The following VDAC2 variants were observed in gnomAD, a reference collection of about 807,000 sequenced individuals.
VDAC2 encodes voltage dependent anion channel 2.
VDAC2 carries 6 observed loss-of-function variants against 36.6 expected under a neutral mutation model. The ratio of observed to expected loss-of-function variants is 0.16; its 90% CI spans 0.09 to 0.32. VDAC2 has a LOEUF of 0.32. VDAC2 is among the 10% of genes least tolerant of loss of function. The pLI is 1.00. For missense variants in VDAC2, 247 were observed against 346.0 expected (o/e 0.71, Z 2.27); for synonymous variants, 109 against 123.8 (o/e 0.88, Z 0.79).
At chr10:75,216,099 G>A (rs560325666) in intron 4 of VDAC2, among the ~76,000 whole-genome samples, 1 of 152,320 alleles carries the variant, frequency 6.6e-6, no homozygotes, top group Admixed American at 6.5e-5. Flanking sequence ...AAGCTTAGGT[G>A]TTTAGTTATG....
intron 2 of VDAC2, chr10:75,211,617 C>G (rs1841425485): frequency 1.9e-6 from 3 of 1,550,566 alleles, no homozygotes; most frequent in Non-Finnish European, 2.6e-6. Flanking sequence ...ATTGCCTGCC[C>G]TTAAGCAGCA....
Position 75,220,945 on chromosome 10 carries a change from G to A in VDAC2, c.559G>A (p.Gly187Arg). The stretch of plus-strand genomic sequence containing the variant: ...TAACTTTGCAGTGGGCTACAGGACT[G>A]GGGACTTCCAGCTACACACTAATGT... ...RNNFAVGYRT[G>R]DFQLHTNVND... The change falls in exon 7 of 10, where the codon GGG becomes AGG. Residue 187 changes from glycine to arginine, a missense_variant. Physicochemically the swap from Gly to Arg is moderately radical, Grantham distance 125 (BLOSUM62 -2). Around this residue, in one of 3 missense-constraint regions of VDAC2, gnomAD observed 159 missense variants for 234.0 expected, o/e 0.68. Coordinates refer to ENST00000332211, the MANE Select transcript of VDAC2 (RefSeq NM_001391963.1). 6.2e-7 allele frequency: 1 copy of A among 1,612,726 alleles called. No individual in the cohort carries two copies. The highest frequency in any genetic ancestry group is 8.5e-7 in the Non-Finnish European group (1 of 1,179,120).
chr10:75,219,886 G>A (rs1841751679), intron 6 of VDAC2, among the ~76,000 whole-genome samples: 1 of 151,412 alleles, frequency 6.6e-6, no homozygotes, highest in Admixed American at 6.6e-5. Flanking sequence ...GGAGTGCAGT[G>A]GCGCGATCTC....
rs1842080941 is a variant in VDAC2, at chr10:75,230,866, T to C, written c.794-32T>C. The stretch of plus-strand genomic sequence containing the variant: ...GAGTGACGTGCCAGGTACATCACGG[T>C]TTTTTGTTTTTGTGTTTTTTTGTCT... On this transcript the variant is annotated intron_variant, in intron 9 of 9. Transcript: ENST00000332211. The C allele has an allele frequency of 1.9e-6, 3 of 1,593,808 alleles. No homozygotes were observed. The South Asian group carries it at 3.4e-5, about 18-fold the overall frequency.
intron 6 of VDAC2, 77 bp downstream of exon 6, chr10:75,219,433 C>G (rs1402998298): frequency 2.4e-6 from 3 of 1,238,018 alleles, no homozygotes. Flanking sequence ...TGTACATTTA[C>G]TGTTTGATAG....
intron 8 of VDAC2, among the ~76,000 whole-genome samples, chr10:75,227,279 C>T (rs1841979992): frequency 6.6e-6 from 1 of 152,138 alleles, no homozygotes; most frequent in South Asian, 2.1e-4. Context: ...AGTTTATAAC[C>T]AGTCTGTAAG....
In VDAC2 at chr10:75,220,736, T is replaced by C; in HGVS notation, c.357-7T>C. ...TTCCCAATGACATCAGTTTGTTCTT[T>C]TTCCAGAAAGAAAAGTGGTAAAATC... On this transcript the variant is annotated splice_region_variant and splice_polypyrimidine_tract_variant and intron_variant, in intron 6 of 9. Coordinates refer to ENST00000332211, the MANE Select transcript of VDAC2 (RefSeq NM_001391963.1). The C allele has an allele frequency of 1.2e-6, 2 of 1,605,632 alleles. No homozygotes were observed. Among genetic ancestry groups the C allele is most frequent in the Non-Finnish European group, 1.7e-6 (2 of 1,174,300 alleles).
At chr10:75,215,483 C>G (rs7902349) in intron 4 of VDAC2, among the ~76,000 whole-genome samples, 13,044 of 150,308 alleles carry the variant, frequency 0.087, 838 homozygotes, top group African/African-American at 0.17. Flanking sequence ...TCATGAGTAG[C>G]TGAAACTACA....
chr10:75,211,652 T>G (rs549906760), intron 2 of VDAC2: 1 of 1,550,442 alleles, frequency 6.4e-7, no homozygotes, highest in South Asian at 1.2e-5. Context: ...GACTTGAGAG[T>G]CACATTAGTA....
At chr10:75,215,451 A>T (rs532745939) in intron 4 of VDAC2, among the ~76,000 whole-genome samples, 1 of 150,430 alleles carries the variant, frequency 6.6e-6, no homozygotes, top group South Asian at 2.1e-4. Flanking sequence ...TCCCAGGTTC[A>T]TGCCTTTCTC....
intron 6 of VDAC2, among the ~76,000 whole-genome samples, chr10:75,219,601 T>C (rs1841739609): frequency 6.6e-6 from 1 of 152,118 alleles, no homozygotes; most frequent in South Asian, 2.1e-4. Flanking sequence ...CTTCTGCCTC[T>C]GCCTCCCTGA....
At chr10:75,224,013 A>C (rs1841890669) in intron 8 of VDAC2, among the ~76,000 whole-genome samples, 1 of 152,146 alleles carries the variant, frequency 6.6e-6, no homozygotes, top group Non-Finnish European at 1.5e-5. Context: ...GGTAAATGTA[A>C]ATAAAGTGTT....
At chr10:75,211,035 A>C in intron 1 of VDAC2, 97 bp downstream of exon 1, 1 of 1,203,366 alleles carries the variant, frequency 8.3e-7, no homozygotes, top group Non-Finnish European at 1.1e-6. Flanking sequence ...TGGCTTCCTA[A>C]GATGGCCGCG....
intron 7 of VDAC2, 40 bp from the exon 8 acceptor site, chr10:75,222,212 A>T (rs1012857039): frequency 1.9e-6 from 3 of 1,576,034 alleles, no homozygotes; most frequent in African/African-American, 2.7e-5. Context: ...ACATTATTAC[A>T]TTGTCTATTC....
Position 75,220,861 on chromosome 10 carries a change from G to A in VDAC2, c.475G>A (p.Gly159Ser), listed in dbSNP as rs1841792314. 1 of 1,613,478 alleles carries A rather than the reference G, an allele frequency of 6.2e-7. No individual in the cohort carries two copies. Among genetic ancestry groups the A allele is most frequent in the Non-Finnish European group, 8.5e-7 (1 of 1,179,538 alleles). Residue 159 changes from glycine (G) to serine (S), a missense_variant, in exon 7 of 10, where the codon GGC (glycine) becomes AGC (serine). By Grantham distance (56) the Gly-to-Ser change is moderately conservative. Around this residue, in one of 3 missense-constraint regions of VDAC2, gnomAD observed 159 missense variants for 234.0 expected, o/e 0.68. Transcript: ENST00000332211. ...TGGTTCAGCTGTCTTTGGTTATGAG[G>A]GCTGGCTTGCTGGCTACCAGATGAC... ...IHGSAVFGYE[G>S]WLAGYQMTFD...
intron 6 of VDAC2, 25 bp downstream of exon 6, chr10:75,219,381 A>G (rs1459988774): frequency 1.9e-6 from 3 of 1,539,220 alleles, no homozygotes; most frequent in South Asian, 1.2e-5. Context: ...TTTTATCTGT[A>G]TTACATTTAA....
At chr10:75,211,316 C>T (rs1009239776) in intron 2 of VDAC2, 127 bp downstream of exon 2, 4 of 1,434,998 alleles carry the variant, frequency 2.8e-6, no homozygotes, top group Non-Finnish European at 3.8e-6. Context: ...GTGGTCGCCC[C>T]ACCGTCTGAC....
upstream of VDAC2, chr10:75,210,258 CCT>C (rs1161038829): frequency 1.3e-5 from 2 of 152,768 alleles, no homozygotes; most frequent in East Asian, 3.9e-4. Context: ...AGGTGGCGCC[CCT>C]GTGTCCCACT....
chr10:75,211,450 A>G, intron 2 of VDAC2: 1 of 1,492,770 alleles, frequency 6.7e-7, no homozygotes, highest in Non-Finnish European at 8.9e-7. Flanking sequence ...ATAGAAGTAA[A>G]AAGTTGTTAA....
Sources: gnomAD v4.1 joint callset for allele counts (sites outside exome capture counted in the v4.1 genomes callset) on GRCh38, gnomAD v4.1.1 for gene constraint, gnomAD v4.1.1 regional missense constraint, MANE v1.5 for transcripts, NCBI Gene and HGNC (gene_info 2026-07-23, HGNC 2026-07-21) for gene names.